Variants in ANKAR observed in about 807,000 individuals in gnomAD.
ANKAR encodes the protein ankyrin and armadillo repeat containing, also known as ankyrin and armadillo repeat-containing protein.
In ANKAR, 136 loss-of-function variants were observed where a neutral mutation model predicts 146.2. The ratio of observed to expected loss-of-function variants is 0.93; its 90% CI spans 0.81 to 1.07. The LOEUF (loss-of-function observed/expected upper bound fraction) is 1.07, where lower values mean the gene tolerates loss of function less well. ANKAR is among the 50% of genes least tolerant of loss of function. The pLI is 0.00. For missense variants in ANKAR, 1,567 were observed against 1,679.9 expected, an observed-to-expected ratio of 0.93 and a Z score of 1.18; for synonymous variants, 500 against 575.8, an observed-to-expected ratio of 0.87 and a Z score of 1.88.
chr2:189,741,129 C>T (rs1258703677), intron 19 of ANKAR, among the ~76,000 whole-genome samples: 1 of 152,142 alleles, frequency 6.6e-6, no homozygotes, highest in Non-Finnish European at 1.5e-5. Context: ...CTTACATAAA[C>T]CTATTTAATT....
chr2:189,729,697 T>TGG (rs1461277237), intron 15 of ANKAR, among the ~76,000 whole-genome samples: 5 of 144,102 alleles, frequency 3.5e-5, no homozygotes, highest in African/African-American at 1.2e-4. Flanking sequence ...CAGCTGTGCG[T>TGG]GTGTGTGTGT....
chr2:189,716,607 AC>A (rs2040491614), intron 10 of ANKAR, among the ~76,000 whole-genome samples: 1 of 139,192 alleles, frequency 7.2e-6, no homozygotes, highest in African/African-American at 2.7e-5. Flanking sequence ...TTCATATGGA[AC>A]CAAAAAAGAG....
chr2:189,759,012 T>C (rs771468567), intron 18 of ANKAR, among the ~76,000 whole-genome samples: 27 of 152,214 alleles, frequency 1.8e-4, no homozygotes, highest in Non-Finnish European at 2.8e-4. Context: ...TCTGCACCAC[T>C]TGTTTTTCCT....
intron 2 of ANKAR, among the ~76,000 whole-genome samples, chr2:189,686,817 CTCTT>C (rs941314496): frequency 1.4e-4 from 16 of 114,294 alleles, no homozygotes; most frequent in African/African-American, 4.3e-4. Flanking sequence ...GGAAACGAGA[CTCTT>C]TCTTTTTTTG....
At chr2:189,753,578 A>G (rs1339378101) in intron 18 of ANKAR, among the ~76,000 whole-genome samples, 1 of 152,198 alleles carries the variant, frequency 6.6e-6, no homozygotes, top group Non-Finnish European at 1.5e-5. Flanking sequence ...AAACAAACAA[A>G]GGGATTTCAT....
chr2:189,733,101 G>A lies in ANKAR; in HGVS notation c.3301-6G>A, dbSNP rs761385368. 9.4e-6 allele frequency: 15 copies of A among 1,599,202 alleles called. No individual in the cohort carries two copies. The highest frequency in any genetic ancestry group is 9.0e-5 in the East Asian group (4 of 44,672). Reference sequence around the variant, plus strand: ...GAAAAGTAATTTCTGAAAACCACATGTTTAGGTTGAAGTGGCATTTTCCTT... The same window carrying A: ...GAAAAGTAATTTCTGAAAACCACATATTTAGGTTGAAGTGGCATTTTCCTT... On this transcript the variant is annotated splice_polypyrimidine_tract_variant and splice_region_variant and intron_variant, in intron 16 of 22. Coordinates refer to ENST00000684021, the MANE Select transcript of ANKAR (RefSeq NM_001378068.1).
At chr2:189,700,037 CAT>C (rs1559082462) in intron 7 of ANKAR, among the ~76,000 whole-genome samples, 6 of 140,248 alleles carry the variant, frequency 4.3e-5, no homozygotes, top group Non-Finnish European at 1.5e-5. Flanking sequence ...ACTTGACCTT[CAT>C]TTTTTTTTTT....
Position 189,746,551 on chromosome 2 carries a change from C to G in ANKAR, c.4229C>G (p.Ser1410Ter). The G allele has an allele frequency of 6.2e-7, 1 of 1,613,664 alleles. No homozygotes were observed. Among genetic ancestry groups the G allele is most frequent in the Non-Finnish European group, 8.5e-7 (1 of 1,179,792 alleles). ...ATTACATCAGATATCACAAATGTAT[C>G]AAGACCAAGAATAGTGTGTTTGAAC... ...STITSDITNV[S>*]RPRIVCLNQL... The change falls in exon 23 of 23, where the codon TCA becomes TGA. Residue 1410 changes from serine to a stop codon, truncating the protein, a stop_gained. Transcript: ENST00000684021. LOFTEE classifies it high-confidence loss of function.
chr2:189,756,764 G>A lies in ANKAR; in HGVS notation c.*585-4334G>A, dbSNP rs541261164. Among the ~76,000 whole-genome samples the A allele has an allele frequency of 3.9e-5, 6 of 152,192 alleles. No homozygotes were observed. The South Asian group carries it at 1.2e-3, about 32-fold the overall frequency. The stretch of plus-strand genomic sequence containing the variant: ...GTCTCAAAAGCCCTCATCTCAGTCT[G>A]TTCAACAGTCTTCTAATTGTACTTT... On this transcript the variant is annotated intron_variant and NMD_transcript_variant, in intron 18 of 18. Coordinates refer to the ANKAR transcript ENST00000441800.
At chr2:189,723,837 T>C (rs555187082) in intron 12 of ANKAR, among the ~76,000 whole-genome samples, 15 of 152,318 alleles carry the variant, frequency 9.8e-5, no homozygotes, top group African/African-American at 3.4e-4. Flanking sequence ...CCCAGTTCTT[T>C]ATCCACATCC....
intron 10 of ANKAR, among the ~76,000 whole-genome samples, chr2:189,714,120 TAGAGACTTACAA>T (rs2040089844): frequency 6.6e-6 from 1 of 152,162 alleles, no homozygotes; most frequent in Admixed American, 6.5e-5. Flanking sequence ...AGCAAGTTCT[TAGAGACTTACAA>T]AGAGACTTAG....
chr2:189,749,076 C>T (rs1437271718), downstream of ANKAR, among the ~76,000 whole-genome samples: 1 of 151,856 alleles, frequency 6.6e-6, no homozygotes, highest in Non-Finnish European at 1.5e-5. Flanking sequence ...GAAACCCCAT[C>T]TCTACTAAAA....
At chr2:189,718,389 C>T (rs77494036) in intron 10 of ANKAR, among the ~76,000 whole-genome samples, 146 of 115,422 alleles carry the variant, frequency 1.3e-3, no homozygotes, top group African/African-American at 4.0e-3. Flanking sequence ...CACACACACA[C>T]ACACAAAGAA....
In ANKAR at chr2:189,728,247, T is replaced by C; in HGVS notation, c.2878-20T>C. The C allele has an allele frequency of 6.3e-7, 1 of 1,575,914 alleles. No individual in the cohort carries two copies. Among genetic ancestry groups the C allele is most frequent in the Non-Finnish European group, 8.6e-7 (1 of 1,166,112 alleles). On this transcript the variant is annotated intron_variant, in intron 13 of 22. Transcript: ENST00000684021. The stretch of plus-strand genomic sequence containing the variant: ...GTTCAATAAATGTTCACTGAATTAA[T>C]GAAATATTTTTAAAAATAGGCATTT...
chr2:189,699,064 G>A (rs2037679448), intron 7 of ANKAR, among the ~76,000 whole-genome samples: 1 of 152,172 alleles, frequency 6.6e-6, no homozygotes, highest in Non-Finnish European at 1.5e-5. Flanking sequence ...GATTTGGTCT[G>A]TTTTGTTAGC....
chr2:189,754,149 T>C (rs763817250), intron 18 of ANKAR: 1 of 1,613,350 alleles, frequency 6.2e-7, no homozygotes, highest in South Asian at 1.1e-5. Context: ...ACCTTCCTCT[T>C]TTTCCTTTTT....
chr2:189,755,376 C>T, intron 18 of ANKAR: 2 of 1,613,548 alleles, frequency 1.2e-6, no homozygotes, highest in East Asian at 4.5e-5. Flanking sequence ...TTTAACTGTC[C>T]TACCAGCTGT....
downstream of ANKAR, among the ~76,000 whole-genome samples, chr2:189,747,610 T>G (rs868160056): frequency 6.6e-6 from 1 of 152,190 alleles, no homozygotes; most frequent in Admixed American, 6.5e-5. Context: ...CAAATAGCAA[T>G]GTCTGCTTCT....
At chr2:189,731,229 A>C (rs547752696) in intron 16 of ANKAR, among the ~76,000 whole-genome samples, 15 of 152,294 alleles carry the variant, frequency 9.8e-5, no homozygotes, top group African/African-American at 3.6e-4. Context: ...GAAATTCAGG[A>C]CATCTATAGA....
Sources: allele counts gnomAD v4.1 joint callset (sites outside exome capture counted in the v4.1 genomes callset), GRCh38; gene constraint gnomAD v4.1.1; transcripts MANE v1.5; gene names NCBI Gene and HGNC (gene_info 2026-07-23, HGNC 2026-07-21).